DNAAF1: variants seen among roughly 807,000 people sequenced by gnomAD.
The protein encoded by DNAAF1 is dynein assembly factor 1, axonemal.
A neutral mutation model predicts 71.1 loss-of-function variants in DNAAF1; 65 were observed. That is an observed-to-expected ratio of 0.91 (90% CI 0.75 to 1.12). The LOEUF (loss-of-function observed/expected upper bound fraction) is 1.12. Among genes scored for constraint, DNAAF1 ranks in the 50% most tolerant of loss-of-function variants. DNAAF1 has a pLI of 0.00. For synonymous variants in DNAAF1, 414 were observed against 354.6 expected (o/e 1.17, Z -1.88); for missense variants, 1,178 against 899.8 (o/e 1.31, Z -3.96).
At position 84,177,809 on chromosome 16, in the gene DNAAF1, C is replaced by T. The variant is rs747653020; in HGVS notation, c.2146C>T (p.Leu716Phe). 2 of 1,613,934 alleles carry T rather than the reference C, an allele frequency of 1.2e-6. No individual in the cohort carries two copies. The highest frequency in any genetic ancestry group is 8.5e-7 in the Non-Finnish European group (1 of 1,179,976). ...CAGCCAAGCTCTGCCCACGTGGGAC[C>T]TCACTGCATTCCCAGCACCGAAAGC... ...QPSQALPTWDLTAFPAPKAS is the reference protein window; with the variant it reads ...QPSQALPTWDFTAFPAPKAS Residue 716 changes from leucine (L) to phenylalanine (F), a missense_variant, in exon 12 of 12, where the codon CTC becomes TTC. Leu to Phe is a conservative substitution (Grantham distance 22). Transcript: ENST00000378553.
chr16:84,151,924 AGG>A (rs1205075447), intron 3 of DNAAF1, among the ~76,000 whole-genome samples: 1 of 152,210 alleles, frequency 6.6e-6, no homozygotes, highest in Non-Finnish European at 1.5e-5. Flanking sequence ...ACAAAAGTGG[AGG>A]TGACACTTCA....
At chr16:84,155,773 C>A (rs369151346) in intron 5 of DNAAF1, 24 bp downstream of exon 5, 7 of 1,613,234 alleles carry the variant, frequency 4.3e-6, no homozygotes, top group Admixed American at 1.7e-5. Context: ...ACAAAAACAA[C>A]GAAAAAGCAC....
Position 84,155,058 on chromosome 16 carries a change from A to G in DNAAF1, c.574+260A>G, listed in dbSNP as rs573530384. Among the ~76,000 whole-genome samples, 18 of 152,020 alleles carry G rather than the reference A, an allele frequency of 1.2e-4. No individual in the cohort carries two copies. In the East Asian group the frequency reaches 2.3e-3, roughly 20 times the overall value. ...AAAATAGCTGGGACTACAGGCACCC[A>G]CCACCACACCTGGCTAATTTTTTGT... On this transcript the variant is annotated intron_variant, in intron 4 of 11. Coordinates refer to ENST00000378553, the MANE Select transcript of DNAAF1 (RefSeq NM_178452.6).
intron 2 of DNAAF1, 145 bp downstream of exon 2, chr16:84,149,287 C>A: frequency 1.9e-6 from 2 of 1,050,086 alleles, no homozygotes; most frequent in Non-Finnish European, 1.4e-6. Context: ...ATGGCACTGC[C>A]TCTGCCGCAC....
chr16:84,164,228 C>T (rs1289128695), intron 6 of DNAAF1, among the ~76,000 whole-genome samples: 4 of 152,178 alleles, frequency 2.6e-5, no homozygotes, highest in African/African-American at 4.8e-5. Flanking sequence ...TCGTGTGGTA[C>T]GTTTGTGACA....
intron 3 of DNAAF1, among the ~76,000 whole-genome samples, chr16:84,152,527 G>A (rs1172880176): frequency 1.3e-5 from 2 of 151,294 alleles, no homozygotes; most frequent in Non-Finnish European, 2.9e-5. Flanking sequence ...GTGCATGCCT[G>A]TAATCCTAGT....
chr16:84,170,858 TTAAAAAG>T (rs1182907886), intron 8 of DNAAF1, among the ~76,000 whole-genome samples: 2 of 151,834 alleles, frequency 1.3e-5, no homozygotes, highest in African/African-American at 2.4e-5. Context: ...AATAAATTAA[TTAAAAAG>T]TAAAAAGTAA....
At chr16:84,149,200 C>G in intron 2 of DNAAF1, 58 bp downstream of exon 2, 1 of 1,597,828 alleles carries the variant, frequency 6.3e-7, no homozygotes, top group South Asian at 1.1e-5. Flanking sequence ...ATGGCGTAAT[C>G]ACCCCCTTGT....
chr16:84,172,458 C>T, intron 9 of DNAAF1, 83 bp downstream of exon 9: 6 of 1,559,910 alleles, frequency 3.8e-6, no homozygotes, highest in Non-Finnish European at 5.2e-6. Flanking sequence ...TTTGGAGACC[C>T]TCGATACCCC....
At position 84,174,145 on chromosome 16, in the gene DNAAF1, C is replaced by T. The variant is rs190421365; in HGVS notation, c.1645-524C>T. The T allele has an allele frequency of 2.6e-3, 2,571 of 993,500 alleles. 1 individual carries two copies. The highest frequency in any genetic ancestry group is 2.9e-3 in the Non-Finnish European group (2,436 of 832,146). 61.5% of individuals were successfully genotyped at this position (993,500 alleles called of 1,614,324 possible). A position where few individuals can be genotyped will look rare whatever the true frequency, so the allele number is the denominator to read the frequency against. On this transcript the variant is annotated intron_variant, in intron 9 of 11. Coordinates refer to ENST00000378553, the MANE Select transcript of DNAAF1 (RefSeq NM_178452.6). Reference sequence around the variant, plus strand: ...AAAATGGTGGTGGGGGAGTAACAACCTAGGCACCGTGGCTCCAGTTCATGC... The same window carrying T: ...AAAATGGTGGTGGGGGAGTAACAACTTAGGCACCGTGGCTCCAGTTCATGC...
chr16:84,155,498 G>C, intron 4 of DNAAF1, 85 bp from the exon 5 acceptor site: 1 of 1,464,112 alleles, frequency 6.8e-7, no homozygotes, highest in East Asian at 2.3e-5. Flanking sequence ...CCAAAGTGCT[G>C]GGATTACAGG....
At chr16:84,172,805 C>G (rs778087624) in intron 9 of DNAAF1, 11 of 1,056,214 alleles carry the variant, frequency 1.0e-5, no homozygotes, top group African/African-American at 3.3e-5. Flanking sequence ...CCGTGGACAC[C>G]GCCCAGCAGG....
intron 5 of DNAAF1, among the ~76,000 whole-genome samples, chr16:84,158,015 G>A (rs2087523813): frequency 6.6e-6 from 1 of 152,090 alleles, no homozygotes; most frequent in South Asian, 2.1e-4. Context: ...AGACCTTCCT[G>A]GCTAACATGG....
chr16:84,177,917 C>T lies in DNAAF1; in HGVS notation c.*76C>T. 1.6e-6 allele frequency: 2 copies of T among 1,233,482 alleles called. No individual in the cohort carries two copies. Among genetic ancestry groups the T allele is most frequent in the East Asian group, 4.7e-5 (2 of 42,186 alleles). 76.4% of individuals were successfully genotyped at this position (1,233,482 alleles called of 1,614,324 possible). On this transcript the variant is annotated 3_prime_UTR_variant, in exon 12 of 12. Transcript: ENST00000378553. ...TAGGCATGATAAACATTTTAACACC[C>T]ACGCGAGTCAGTGTATGATTGGGCT...
chr16:84,150,764 C>T (rs1482718672), intron 3 of DNAAF1, among the ~76,000 whole-genome samples: 1 of 151,942 alleles, frequency 6.6e-6, no homozygotes, highest in African/African-American at 2.4e-5. Context: ...CAGGTGCCCA[C>T]CACCACGCCT....
At position 84,145,333 on chromosome 16, in the gene DNAAF1, G is replaced by T. The variant is rs1034594812; in HGVS notation, c.-108G>T. 214 of 1,520,060 alleles carry T rather than the reference G, an allele frequency of 1.4e-4. 2 individuals carry two copies. The South Asian group carries it at 2.1e-3, about 15-fold the overall frequency. 94.2% of individuals were successfully genotyped at this position (1,520,060 alleles called of 1,614,324 possible). A position where few individuals can be genotyped will look rare whatever the true frequency, so the allele number is the denominator to read the frequency against. On this transcript the variant is annotated 5_prime_UTR_variant, in exon 1 of 12. Coordinates refer to ENST00000378553, the MANE Select transcript of DNAAF1 (RefSeq NM_178452.6). ...GTAAAGACTAGGGCGCCAGCGGCTG[G>T]CGAAGAAGGAAAGAGGGTACTCTCT...
At chr16:84,163,465 C>T (rs1257392830) in intron 6 of DNAAF1, among the ~76,000 whole-genome samples, 1 of 151,424 alleles carries the variant, frequency 6.6e-6, no homozygotes, top group Non-Finnish European at 1.5e-5. Flanking sequence ...ACTGCAACCT[C>T]TGTCTCCCAG....
chr16:84,171,059 AG>A (rs1252171391), intron 8 of DNAAF1, among the ~76,000 whole-genome samples: 5 of 152,204 alleles, frequency 3.3e-5, no homozygotes, highest in Admixed American at 3.3e-4. Flanking sequence ...GGTGAAAGGT[AG>A]GCCATTCATC....
rs2086848663 is a variant in DNAAF1, at chr16:84,145,348, G to A, written c.-93G>A. ...CCAGCGGCTGGCGAAGAAGGAAAGA[G>A]GGTACTCTCTGGCTGGGCTGGGGCC... On this transcript the variant is annotated 5_prime_UTR_variant, in exon 1 of 12. Coordinates refer to ENST00000378553, the MANE Select transcript of DNAAF1 (RefSeq NM_178452.6). The A allele has an allele frequency of 4.6e-6, 7 of 1,533,502 alleles. No individual in the cohort carries two copies. The highest frequency in any genetic ancestry group is 6.1e-6 in the Non-Finnish European group (7 of 1,141,368). The allele number at this position is 1,533,502 out of a possible 1,614,324, so 95.0% of individuals were successfully genotyped here.
Sources: gnomAD v4.1 joint callset for allele counts (sites outside exome capture counted in the v4.1 genomes callset) on GRCh38, gnomAD v4.1.1 for gene constraint, MANE v1.5 for transcripts, NCBI Gene and HGNC (gene_info 2026-07-23, HGNC 2026-07-21) for gene names.